The following TPSD1 variants were observed in gnomAD, a reference collection of about 807,000 sequenced individuals.
The protein encoded by TPSD1 is tryptase delta 1.
A neutral mutation model predicts 25.4 loss-of-function variants in TPSD1; 30 were observed. The ratio of observed to expected loss-of-function variants is 1.18; its 90% CI spans 0.88 to 1.60. The LOEUF (loss-of-function observed/expected upper bound fraction) is 1.60. Among genes scored for constraint, TPSD1 ranks in the 40% most tolerant of loss-of-function variants. The pLI, the probability that TPSD1 is intolerant of heterozygous loss-of-function variation, is 0.00. For synonymous variants in TPSD1, 176 were observed against 149.4 expected (o/e 1.18, Z -1.30); for missense variants, 420 against 324.2 (o/e 1.30, Z -2.27).
chr16:1,258,461 G>T lies in TPSD1; in HGVS notation c.*85G>T, dbSNP rs1408869463. ...CTACACCCGTGTCACCTACTACTTG[G>T]ACTGGATCCACCACTATGTCCCCAA... On this transcript the variant is annotated 3_prime_UTR_variant, in exon 5 of 5. Transcript: ENST00000211076. 4 of 1,613,540 alleles carry T rather than the reference G, an allele frequency of 2.5e-6. No homozygotes were observed. The highest frequency in any genetic ancestry group is 3.4e-6 in the Non-Finnish European group (4 of 1,179,880).
At chr16:1,256,745 G>T (rs185275637) in intron 2 of TPSD1, 52 bp from the exon 3 acceptor site, 7 of 1,611,844 alleles carry the variant, frequency 4.3e-6, no homozygotes, top group Non-Finnish European at 5.9e-6. Flanking sequence ...CCTGGCTCCC[G>T]GGTGCTCCTG....
chr16:1,257,070 T>G lies in TPSD1; in HGVS notation c.520+8T>G, dbSNP rs766994655. On this transcript the variant is annotated splice_region_variant and intron_variant, in intron 3 of 4. Transcript: ENST00000211076. ...GCGACGTGGACAATAATGGTGGGTG[T>G]TGGGGACAGCGGGAGGCCGGGCCAG... 1 of 1,590,602 alleles carries G rather than the reference T, an allele frequency of 6.3e-7. No homozygotes were observed. The highest frequency in any genetic ancestry group is 1.1e-5 in the South Asian group (1 of 88,086).
Position 1,258,593 on chromosome 16 carries a change from C to G in TPSD1, c.*217C>G. On this transcript the variant is annotated 3_prime_UTR_variant, in exon 5 of 5. Transcript: ENST00000211076. ...CCCAGGTGGTGACTGCCCCCCACAC[C>G]TTCCCCCATCCTGAGTCCCCTCTCC... 1 of 1,421,580 alleles carries G rather than the reference C, an allele frequency of 7.0e-7. No individual in the cohort carries two copies. The highest frequency in any genetic ancestry group is 1.3e-5 in the South Asian group (1 of 76,292). The allele number at this position is 1,421,580 out of a possible 1,614,324, so 88.1% of individuals were successfully genotyped here.
In TPSD1 at chr16:1,256,917, C is replaced by G. The variant is rs74470113; in HGVS notation, c.375C>G (p.Thr125=). The change falls in exon 3 of 5, where the codon ACC becomes ACG. Residue 125 remains threonine (T), a synonymous_variant. Coordinates refer to ENST00000211076, the MANE Select transcript of TPSD1 (RefSeq NM_012217.3). ...IVHPQFYIIQ[T]GADIALLELE... ...ACCCACAGTTCTACATCATCCAGAC[C>G]GGGGCGGACATCGCCCTGCTGGAGC... 3 of 1,612,390 alleles carry G rather than the reference C, an allele frequency of 1.9e-6. No individual in the cohort carries two copies. The highest frequency in any genetic ancestry group is 2.5e-6 in the Non-Finnish European group (3 of 1,179,162).
chr16:1,256,606 G>A lies in TPSD1; in HGVS notation c.173G>A (p.Arg58His), dbSNP rs113256300. ...CCCTGGCAGGTGAGCCTGAGAGTCCGCGGCCCATACTGGATGCACTTCTGC... is the reference window on the plus strand; with the variant it reads ...CCCTGGCAGGTGAGCCTGAGAGTCCACGGCCCATACTGGATGCACTTCTGC... ...KWPWQVSLRVRGPYWMHFCGG... is the reference protein window; with the variant it reads ...KWPWQVSLRVHGPYWMHFCGG... Residue 58 changes from arginine to histidine, a missense_variant, in exon 2 of 5, where the codon CGC (arginine) becomes CAC (histidine). Arg to His is a conservative substitution (Grantham distance 29). Transcript: ENST00000211076. 12,130 of 1,612,786 alleles carry A rather than the reference G, an allele frequency of 7.5e-3. 165 individuals are homozygous for A. The highest frequency in any genetic ancestry group is 0.056 in the African/African-American group (4,166 of 74,950).
chr16:1,256,570 G>T lies in TPSD1; in HGVS notation c.137G>T (p.Arg46Met). ...TGIVGGQEAP[R>M]SKWPWQVSLR... Reference sequence around the variant, plus strand: ...ATTGTTGGGGGGCAGGAGGCCCCCAGGAGCAAGTGGCCCTGGCAGGTGAGC... The same window carrying T: ...ATTGTTGGGGGGCAGGAGGCCCCCATGAGCAAGTGGCCCTGGCAGGTGAGC... Residue 46 changes from arginine (R) to methionine (M), a missense_variant, in exon 2 of 5, where the codon AGG becomes ATG. Transcript: ENST00000211076. 1 of 1,612,374 alleles carries T rather than the reference G, an allele frequency of 6.2e-7. No homozygotes were observed. The highest frequency in any genetic ancestry group is 2.2e-5 in the East Asian group (1 of 44,884).
rs751646797 is a variant in TPSD1 at position 1,256,933 on chromosome 16, C to T, written c.391C>T (p.Leu131=). The change falls in exon 3 of 5, where the codon CTG becomes TTG. Residue 131 remains leucine, a synonymous_variant. Coordinates refer to ENST00000211076, the MANE Select transcript of TPSD1 (RefSeq NM_012217.3). ...CATCCAGACCGGGGCGGACATCGCC[C>T]TGCTGGAGCTGGAGGAGCCCGTGAA... ...YIIQTGADIA[L]LELEEPVNIS... 59 of 1,613,842 alleles carry T rather than the reference C, an allele frequency of 3.7e-5. No homozygotes were observed. Among genetic ancestry groups the T allele is most frequent in the Non-Finnish European group, 4.7e-5 (55 of 1,180,026 alleles).
In TPSD1 at chr16:1,256,806, G is replaced by C. The variant is rs1276355751; in HGVS notation, c.264G>C (p.Lys88Asn). ...TAAHCVEPDI[K>N]DLAALRVQLR... ...ATCCTCCGCTGCCCAGGGACATCAA[G>C]GATCTGGCCGCCCTCAGGGTGCAAC... Residue 88 changes from lysine to asparagine, a missense_variant, in exon 3 of 5, where the codon AAG becomes AAC. Physicochemically the swap from Lys to Asn is moderately conservative, Grantham distance 94 (BLOSUM62 0). Coordinates refer to ENST00000211076, the MANE Select transcript of TPSD1 (RefSeq NM_012217.3). The C allele has an allele frequency of 1.2e-6, 2 of 1,612,438 alleles. No individual in the cohort carries two copies. Among genetic ancestry groups the C allele is most frequent in the African/African-American group, 1.3e-5 (1 of 75,012 alleles).
Position 1,257,292 on chromosome 16 carries a change from C to A in TPSD1, c.520+230C>A, listed in dbSNP as rs953163236. The A allele has an allele frequency of 2.1e-4, 124 of 603,902 alleles. No homozygotes were observed. The East Asian group carries it at 3.4e-3, about 17-fold the overall frequency. The allele number at this position is 603,902 out of a possible 1,614,324, so 37.4% of individuals were successfully genotyped here. A position where few individuals can be genotyped will look rare whatever the true frequency, so the allele number is the denominator to read the frequency against. On this transcript the variant is annotated intron_variant, in intron 3 of 4. Coordinates refer to ENST00000211076, the MANE Select transcript of TPSD1 (RefSeq NM_012217.3). ...AGGGGTTTGGAGAGTCCCTTAGCACCTCCGTGCCTCGGTTTCCCCTTGCCT... is the reference window on the plus strand; with the variant it reads ...AGGGGTTTGGAGAGTCCCTTAGCACATCCGTGCCTCGGTTTCCCCTTGCCT...
At chr16:1,257,406 G>A in intron 3 of TPSD1, 2 of 385,386 alleles carry the variant, frequency 5.2e-6, no homozygotes, top group East Asian at 4.7e-5. Flanking sequence ...AGAGAGACCG[G>A]TGCTGGGATG....
rs778908150 is a variant in TPSD1 at position 1,256,787 on chromosome 16, C to G, written c.255-10C>G. ...GCCCAGGGCCCTGAGTGGGATCCTC[C>G]GCTGCCCAGGGACATCAAGGATCTG... On this transcript the variant is annotated splice_polypyrimidine_tract_variant and intron_variant, in intron 2 of 4. Transcript: ENST00000211076. 5.0e-6 allele frequency: 8 copies of G among 1,612,150 alleles called. No individual in the cohort carries two copies. The highest frequency in any genetic ancestry group is 2.0e-4 in the Middle Eastern group (1 of 4,880).
rs745971333 is a variant in TPSD1 at position 1,256,619 on chromosome 16, G to C, written c.186G>C (p.Trp62Cys). The change falls in exon 2 of 5, where the codon TGG becomes TGC. Residue 62 changes from tryptophan to cysteine, a missense_variant. Coordinates refer to ENST00000211076, the MANE Select transcript of TPSD1 (RefSeq NM_012217.3). ...GCCTGAGAGTCCGCGGCCCATACTG[G>C]ATGCACTTCTGCGGGGGCTCCCTCA... ...QVSLRVRGPY[W>C]MHFCGGSLIH... The C allele has an allele frequency of 6.2e-7, 1 of 1,612,946 alleles. No individual in the cohort carries two copies. The highest frequency in any genetic ancestry group is 8.5e-7 in the Non-Finnish European group (1 of 1,179,772).
rs568383094 is a variant in TPSD1 at position 1,257,257 on chromosome 16, C to G, written c.520+195C>G. 4 of 742,242 alleles carry G rather than the reference C, an allele frequency of 5.4e-6. No individual in the cohort carries two copies. The South Asian group carries it at 7.6e-5, about 14-fold the overall frequency. The allele number at this position is 742,242 out of a possible 1,614,324, so 46.0% of individuals were successfully genotyped here. A position where few individuals can be genotyped will look rare whatever the true frequency, so the allele number is the denominator to read the frequency against. ...CGGTGAGTCCAAAGGGCCTGGGCGT[C>G]CCCCACCCCAGGGGTTTGGAGAGTC... On this transcript the variant is annotated intron_variant, in intron 3 of 4. Transcript: ENST00000211076.
intron 3 of TPSD1, 72 bp from the exon 4 acceptor site, chr16:1,257,987 C>T: frequency 6.7e-7 from 1 of 1,489,170 alleles, no homozygotes; most frequent in Non-Finnish European, 9.1e-7. Context: ...CTGCCCGTGA[C>T]TCTGCCACCA....
chr16:1,256,399 C>G lies in TPSD1; in HGVS notation c.82+37C>G, dbSNP rs570731077. On this transcript the variant is annotated intron_variant, in intron 1 of 4. Coordinates refer to ENST00000211076, the MANE Select transcript of TPSD1 (RefSeq NM_012217.3). ...CCGGGGTCCACCCTGCCCCTCACCA[C>G]ATTCCACAGATCAGGGCCTGGGTGG... 5 of 1,611,868 alleles carry G rather than the reference C, an allele frequency of 3.1e-6. No individual in the cohort carries two copies. In the South Asian group the frequency reaches 4.4e-5, roughly 14 times the overall value.
At position 1,256,888 on chromosome 16, in the gene TPSD1, G is replaced by A. The variant is rs530280660; in HGVS notation, c.346G>A (p.Val116Met). The A allele has an allele frequency of 2.3e-4, 367 of 1,613,698 alleles. No homozygotes were observed. Among genetic ancestry groups the A allele is most frequent in the Non-Finnish European group, 3.0e-4 (352 of 1,180,030 alleles). ...DQLLPVSRII[V>M]HPQFYIIQTG... Reference sequence around the variant, plus strand: ...GCTGCTGCCGGTCAGCAGGATCATCGTGCACCCACAGTTCTACATCATCCA... The same window carrying A: ...GCTGCTGCCGGTCAGCAGGATCATCATGCACCCACAGTTCTACATCATCCA... The change falls in exon 3 of 5, where the codon GTG (valine) becomes ATG (methionine). Residue 116 changes from valine (V) to methionine (M), a missense_variant. Transcript: ENST00000211076.
rs1327337215 is a variant in TPSD1, at chr16:1,256,613, A to G, written c.180A>G (p.Pro60=). 6.2e-7 allele frequency: 1 copy of G among 1,613,042 alleles called. No homozygotes were observed. Among genetic ancestry groups the G allele is most frequent in the East Asian group, 2.2e-5 (1 of 44,888 alleles). ...PWQVSLRVRG[P]YWMHFCGGSL... ...AGGTGAGCCTGAGAGTCCGCGGCCC[A>G]TACTGGATGCACTTCTGCGGGGGCT... Residue 60 remains proline (P), a synonymous_variant, in exon 2 of 5, where the codon CCA becomes CCG. Transcript: ENST00000211076.
At chr16:1,257,235 T>A in intron 3 of TPSD1, 173 bp downstream of exon 3, 1 of 944,680 alleles carries the variant, frequency 1.1e-6, no homozygotes, top group Non-Finnish European at 1.5e-6. Flanking sequence ...GCAGAGACGG[T>A]GAGTCCAAAG....
rs760914218 is a variant in TPSD1, at chr16:1,256,973, T to A, written c.431T>A (p.Ile144Asn). ...LEEPVNISSH[I>N]HTVTLPPASE... ...GAGCCCGTGAACATCTCCAGCCACATCCACACGGTCACGCTGCCCCCTGCC... is the reference window on the plus strand; with the variant it reads ...GAGCCCGTGAACATCTCCAGCCACAACCACACGGTCACGCTGCCCCCTGCC... Residue 144 changes from isoleucine (I) to asparagine (N), a missense_variant, in exon 3 of 5, where the codon ATC becomes AAC. Ile to Asn is a moderately radical substitution (Grantham distance 149). Coordinates refer to ENST00000211076, the MANE Select transcript of TPSD1 (RefSeq NM_012217.3). 1 of 1,613,888 alleles carries A rather than the reference T, an allele frequency of 6.2e-7. No individual in the cohort carries two copies. The highest frequency in any genetic ancestry group is 8.5e-7 in the Non-Finnish European group (1 of 1,179,976).
Sources: gnomAD v4.1 joint callset for allele counts on GRCh38, gnomAD v4.1.1 for gene constraint, MANE v1.5 for transcripts, NCBI Gene and HGNC (gene_info 2026-07-23, HGNC 2026-07-21) for gene names.